Variants in HYCC2 observed in about 807,000 individuals in gnomAD.
The protein encoded by HYCC2 is hyccin 2.
the HYCC2 span, among the ~76,000 whole-genome samples, chr2:201,039,763 G>A: frequency 1.3e-5 from 2 of 152,088 alleles, no homozygotes; most frequent in Non-Finnish European, 2.9e-5. Flanking sequence ...GAAATACCAA[G>A]TATAGATGAC....
the HYCC2 span, chr2:201,009,146 T>C: frequency 9.8e-7 from 1 of 1,015,334 alleles, no homozygotes; most frequent in Non-Finnish European, 1.5e-6. Context: ...AAAATCTGTA[T>C]CATGTAATAA....
chr2:201,037,147 G>T, the HYCC2 span, among the ~76,000 whole-genome samples: 1 of 152,134 alleles, frequency 6.6e-6, no homozygotes, highest in South Asian at 2.1e-4. Flanking sequence ...ATTCACAATT[G>T]CTTCAAAGAG....
chr2:201,060,315 T>C, the HYCC2 span, among the ~76,000 whole-genome samples: 1 of 152,206 alleles, frequency 6.6e-6, no homozygotes, highest in East Asian at 1.9e-4. Flanking sequence ...CTAGTTTGTA[T>C]GACCAGCTAA....
At chr2:201,064,324 C>G in the HYCC2 span, among the ~76,000 whole-genome samples, 4 of 151,536 alleles carry the variant, frequency 2.6e-5, no homozygotes, top group Non-Finnish European at 5.9e-5. Context: ...TTTTTTGCAC[C>G]CATGCTGTTG....
chr2:201,070,516 G>A, the HYCC2 span, among the ~76,000 whole-genome samples: 4 of 152,230 alleles, frequency 2.6e-5, 1 homozygote, highest in Non-Finnish European at 5.9e-5. Flanking sequence ...GTCGGGCGTG[G>A]TGGCGCATGC....
chr2:201,025,204 A>C, the HYCC2 span, among the ~76,000 whole-genome samples: 3 of 152,274 alleles, frequency 2.0e-5, no homozygotes, highest in South Asian at 6.2e-4. Context: ...TTAAATGCTA[A>C]GGTCAACCCT....
the HYCC2 span, among the ~76,000 whole-genome samples, chr2:200,993,672 G>C: frequency 6.6e-6 from 1 of 151,840 alleles, no homozygotes; most frequent in African/African-American, 2.4e-5. Context: ...TACAATAAAA[G>C]ACCTGCAATT....
At chr2:201,053,903 G>A in the HYCC2 span, among the ~76,000 whole-genome samples, 1 of 152,220 alleles carries the variant, frequency 6.6e-6, no homozygotes, top group Admixed American at 6.5e-5. Context: ...GGCAGAGGTT[G>A]CAGTGAGCTG....
chr2:201,035,634 A>G, the HYCC2 span, among the ~76,000 whole-genome samples: 1 of 151,900 alleles, frequency 6.6e-6, no homozygotes. Context: ...GCTTTGTTCC[A>G]TTGCTGGTGA....
At chr2:201,017,336 A>T in the HYCC2 span, among the ~76,000 whole-genome samples, 1 of 152,148 alleles carries the variant, frequency 6.6e-6, no homozygotes, top group Non-Finnish European at 1.5e-5. Context: ...ACCACATATT[A>T]AACTGACCAA....
the HYCC2 span, chr2:201,009,103 T>C: frequency 1.0e-4 from 149 of 1,454,604 alleles, no homozygotes; most frequent in Non-Finnish European, 1.4e-4. Context: ...AAAAATAAGG[T>C]ACAGTATGAG....
At chr2:201,013,614 A>G in the HYCC2 span, among the ~76,000 whole-genome samples, 1 of 152,324 alleles carries the variant, frequency 6.6e-6, no homozygotes, top group East Asian at 1.9e-4. Flanking sequence ...GTGAATAATG[A>G]CCATACCTCT....
chr2:200,979,264 T>A, the HYCC2 span: 1 of 144,188 alleles, frequency 6.9e-6, no homozygotes, highest in Non-Finnish European at 1.5e-5. Flanking sequence ...ATACACACCA[T>A]ACACACACAC....
At chr2:201,040,520 T>A in the HYCC2 span, among the ~76,000 whole-genome samples, 229 of 151,612 alleles carry the variant, frequency 1.5e-3, 1 homozygote, top group Admixed American at 2.0e-3. Context: ...TGAGACAAAG[T>A]CTCTGTTGCC....
chr2:201,054,025 C>G, the HYCC2 span, among the ~76,000 whole-genome samples: 2 of 152,062 alleles, frequency 1.3e-5, no homozygotes, highest in Non-Finnish European at 2.9e-5. Flanking sequence ...AAAAGAAAAG[C>G]TGGGGAATGA....
chr2:201,037,968 A>G, the HYCC2 span, among the ~76,000 whole-genome samples: 20 of 152,266 alleles, frequency 1.3e-4, no homozygotes, highest in South Asian at 1.7e-3. Flanking sequence ...CTACAGAATG[A>G]GAGAAAATTT....
chr2:200,987,437 C>T, the HYCC2 span: 186 of 1,289,726 alleles, frequency 1.4e-4, no homozygotes, highest in Admixed American at 1.8e-4. Context: ...AGCACCTCCC[C>T]CTCTTGCACA....
the HYCC2 span, among the ~76,000 whole-genome samples, chr2:201,033,196 T>TGTGTGTGTGTGA: frequency 1.1e-4 from 12 of 106,206 alleles, no homozygotes; most frequent in African/African-American, 2.6e-4. Context: ...TGTGTGTGTG[T>TGTGTGTGTGTGA]GAGAGAGAGA....
At chr2:200,984,738 G>A in the HYCC2 span, among the ~76,000 whole-genome samples, 2 of 152,206 alleles carry the variant, frequency 1.3e-5, no homozygotes, top group Admixed American at 1.3e-4. Context: ...TAAAAAATTA[G>A]CCAGATGTGA....
Sources: gnomAD v4.1 joint callset for allele counts (sites outside exome capture counted in the v4.1 genomes callset) on GRCh38, gnomAD v4.1.1 for gene constraint, MANE v1.5 for transcripts, NCBI Gene and HGNC (gene_info 2026-07-23, HGNC 2026-07-21) for gene names.